The following SV2B variants were observed in gnomAD, a reference collection of about 807,000 sequenced individuals.
SV2B encodes the protein synaptic vesicle glycoprotein 2B.
A neutral mutation model predicts 73.9 loss-of-function variants in SV2B; 41 were observed. That is an observed-to-expected ratio of 0.56 (90% CI 0.43 to 0.72). The LOEUF (loss-of-function observed/expected upper bound fraction) is 0.72, where lower values mean the gene tolerates loss of function less well. Ranked by LOEUF, SV2B falls within the 30% of genes least tolerant of loss-of-function variation. SV2B has a pLI of 0.00. For synonymous variants in SV2B, 314 were observed against 314.2 expected (o/e 1.00, Z 0.01); for missense variants, 764 against 857.8 (o/e 0.89, Z 1.37).
intron 1 of SV2B, among the ~76,000 whole-genome samples, chr15:91,218,917 T>C (rs952629485): frequency 2.0e-5 from 3 of 151,938 alleles, no homozygotes; most frequent in Non-Finnish European, 4.4e-5. Context: ...CACAGCAGAG[T>C]TGCTATATTT....
chr15:91,184,141 G>T (rs2044686330), intron 1 of SV2B, among the ~76,000 whole-genome samples: 1 of 152,238 alleles, frequency 6.6e-6, no homozygotes, highest in East Asian at 1.9e-4. Flanking sequence ...TGTTGCCCCA[G>T]TACCTAGCAT....
chr15:91,258,299 T>A lies in SV2B; in HGVS notation c.785-122T>A. 5 of 1,409,782 alleles carry A rather than the reference T, an allele frequency of 3.5e-6. No homozygotes were observed. Among genetic ancestry groups the A allele is most frequent in the Non-Finnish European group, 4.7e-6 (5 of 1,054,366 alleles). 87.3% of individuals were successfully genotyped at this position (1,409,782 alleles called of 1,614,324 possible). A position where few individuals can be genotyped will look rare whatever the true frequency, so the allele number is the denominator to read the frequency against. On this transcript the variant is annotated intron_variant, in intron 4 of 12. Coordinates refer to ENST00000394232, the MANE Select transcript of SV2B (RefSeq NM_001323032.3). This position sits in a 1 kb window ranked among gnomAD's most constrained non-coding sequence, Gnocchi z 4.7. ...AGGCACAGCTGAGGAGTCTGCATTT[T>A]AACCACCTCCCCGGGTGACTCTCTT...
intron 1 of SV2B, among the ~76,000 whole-genome samples, chr15:91,119,283 G>A (rs1392273405): frequency 6.6e-6 from 1 of 152,188 alleles, no homozygotes; most frequent in Admixed American, 6.5e-5. Flanking sequence ...GATGAAGAAA[G>A]AAGTTAAGAT....
chr15:91,133,241 G>GA (rs1225364220), intron 1 of SV2B, among the ~76,000 whole-genome samples: 5 of 152,182 alleles, frequency 3.3e-5, no homozygotes, highest in African/African-American at 9.6e-5. Flanking sequence ...AATTAGACAT[G>GA]AAAAAACAGC....
intron 6 of SV2B, among the ~76,000 whole-genome samples, chr15:91,264,553 C>T (rs1465026655): frequency 6.6e-6 from 1 of 152,136 alleles, no homozygotes; most frequent in African/African-American, 2.4e-5. Context: ...ATTGGCTGAG[C>T]TTGTTTCATT....
chr15:91,281,875 T>C lies in SV2B; in HGVS notation c.1507+14T>C. On this transcript the variant is annotated intron_variant, in intron 10 of 12. Transcript: ENST00000394232. The surrounding 1 kb of genome is among the most constrained non-coding windows in gnomAD (Gnocchi z 4.7). The stretch of plus-strand genomic sequence containing the variant: ...TTTACAACACAGGTAGGTAAGAACA[T>C]TGACAGATTGAATAGAAAGTAACAG... 6.3e-7 allele frequency: 1 copy of C among 1,598,666 alleles called. No individual in the cohort carries two copies. Among genetic ancestry groups the C allele is most frequent in the African/African-American group, 1.3e-5 (1 of 74,540 alleles).
rs144134786 is a variant in SV2B at position 91,267,618 on chromosome 15, G to A, written c.1183G>A (p.Val395Met). The change falls in exon 8 of 13, where the codon GTG (valine) becomes ATG (methionine). Residue 395 changes from valine (V) to methionine (M), a missense_variant. Transcript: ENST00000394232. This position sits in a 1 kb window ranked among gnomAD's most constrained non-coding sequence, Gnocchi z 4.3. ...CAGAATGAATACACTGATTCTGGCC[G>A]TGGTTTGGTTTGCCATGGCATTCAG... is the stretch of plus-strand genomic sequence containing the variant. ...PYRMNTLILA[V>M]VWFAMAFSYY... 5.3e-5 allele frequency: 86 copies of A among 1,612,788 alleles called. No individual in the cohort carries two copies. Among genetic ancestry groups the A allele is most frequent in the African/African-American group, 2.1e-4 (16 of 74,886 alleles).
intron 1 of SV2B, among the ~76,000 whole-genome samples, chr15:91,201,573 A>G (rs1190933366): frequency 6.6e-6 from 1 of 152,134 alleles, no homozygotes; most frequent in Non-Finnish European, 1.5e-5. Flanking sequence ...GCTAACTTCC[A>G]TGACTCCCTA....
At chr15:91,248,468 A>T (rs2047344431) in intron 2 of SV2B, among the ~76,000 whole-genome samples, 1 of 152,242 alleles carries the variant, frequency 6.6e-6, no homozygotes, top group African/African-American at 2.4e-5. Context: ...TAAAAAATTA[A>T]TTTAAAATTA....
intron 1 of SV2B, among the ~76,000 whole-genome samples, chr15:91,158,963 G>C (rs2043613675): frequency 6.6e-6 from 1 of 151,842 alleles, no homozygotes; most frequent in Non-Finnish European, 1.5e-5. Flanking sequence ...AGGCAGTCCT[G>C]GTTGTGCTAA....
intron 1 of SV2B, among the ~76,000 whole-genome samples, chr15:91,126,987 A>G (rs1489547683): frequency 6.6e-6 from 1 of 152,256 alleles, no homozygotes; most frequent in African/African-American, 2.4e-5. Context: ...ATTATAGGAC[A>G]CATAGCATGG....
intron 2 of SV2B, among the ~76,000 whole-genome samples, chr15:91,250,316 C>G (rs1452228138): frequency 1.3e-5 from 2 of 151,652 alleles, no homozygotes; most frequent in Non-Finnish European, 2.9e-5. Context: ...ATTCAGCATC[C>G]TTTCGTGATA....
In SV2B at chr15:91,129,469, C is replaced by T. The variant is rs887874253; in HGVS notation, c.-392+29106C>T. Among the ~76,000 whole-genome samples the T allele has an allele frequency of 6.6e-6, 1 of 152,096 alleles. No individual in the cohort carries two copies. The highest frequency in any genetic ancestry group is 1.5e-5 in the Non-Finnish European group (1 of 68,028). ...AGTCAAGTGCAATGGTGGGGATCAG[C>T]AAAGATGTATGTCTTGGAAAAGCCC... On this transcript the variant is annotated intron_variant, in intron 1 of 12. Transcript: ENST00000394232. The surrounding 1 kb of genome is among the most constrained non-coding windows in gnomAD (Gnocchi z 5.1).
In SV2B at chr15:91,292,711, ATGTT is replaced by A; in HGVS notation, c.*163_*166del. The stretch of plus-strand genomic sequence containing the variant: ...TTTAGGACCCACTTCAGCTGTCAAT[ATGTT>A]TGTAACTCAGGTGACTGATTTGGGG... On this transcript the variant is annotated 3_prime_UTR_variant, in exon 13 of 13. Coordinates refer to ENST00000394232, the MANE Select transcript of SV2B (RefSeq NM_001323032.3). 1 of 870,572 alleles carries A rather than the reference ATGTT, an allele frequency of 1.1e-6. No individual in the cohort carries two copies. Among genetic ancestry groups the A allele is most frequent in the Non-Finnish European group, 1.7e-6 (1 of 598,566 alleles). 53.9% of individuals were successfully genotyped at this position (870,572 alleles called of 1,614,324 possible). A position where few individuals can be genotyped will look rare whatever the true frequency, so the allele number is the denominator to read the frequency against.
chr15:91,134,460 C>T (rs991494966), intron 1 of SV2B, among the ~76,000 whole-genome samples: 7 of 152,140 alleles, frequency 4.6e-5, no homozygotes, highest in African/African-American at 1.4e-4. Context: ...CACAAAGTAG[C>T]TGCAACTAGG....
chr15:91,276,652 T>C (rs1039987106), intron 9 of SV2B, among the ~76,000 whole-genome samples: 1 of 151,904 alleles, frequency 6.6e-6, no homozygotes, highest in Non-Finnish European at 1.5e-5. Flanking sequence ...AATTCTAGCG[T>C]TTCTTTCTGA....
chr15:91,218,409 G>A (rs2046106338), intron 1 of SV2B, among the ~76,000 whole-genome samples: 1 of 152,128 alleles, frequency 6.6e-6, no homozygotes, highest in Admixed American at 6.6e-5. Flanking sequence ...CTTCAGGGGA[G>A]AAGGGGAAGG....
rs1019789898 is a variant in SV2B at position 91,265,627 on chromosome 15, T to C, written c.1009-955T>C. Among the ~76,000 whole-genome samples, 2 of 152,206 alleles carry C rather than the reference T, an allele frequency of 1.3e-5. No individual in the cohort carries two copies. Among genetic ancestry groups the C allele is most frequent in the African/African-American group, 2.4e-5 (1 of 41,456 alleles). On this transcript the variant is annotated intron_variant, in intron 6 of 12. Coordinates refer to ENST00000394232, the MANE Select transcript of SV2B (RefSeq NM_001323032.3). The surrounding 1 kb of genome is among the most constrained non-coding windows in gnomAD (Gnocchi z 4.2). The stretch of plus-strand genomic sequence containing the variant: ...TCATAACATCCATGAAGGTACTGAA[T>C]AGCTTGAAGCCCAGCTGCAGCCAAG...
chr15:91,121,223 C>G lies in SV2B; in HGVS notation c.-392+20860C>G, dbSNP rs2042325583. On this transcript the variant is annotated intron_variant, in intron 1 of 12. Transcript: ENST00000394232. The surrounding 1 kb of genome is among the most constrained non-coding windows in gnomAD (Gnocchi z 4.4). ...ACCGCTGATTTCGAGTCAAAGTTTT[C>G]TTCACCTCAGGCGAGTTTTTATCTA... 6.6e-6 allele frequency among the ~76,000 whole-genome samples: 1 copy of G among 152,064 alleles called. No individual in the cohort carries two copies. Among genetic ancestry groups the G allele is most frequent in the Admixed American group, 6.5e-5 (1 of 15,272 alleles).
Sources: gnomAD v4.1 joint callset for allele counts (sites outside exome capture counted in the v4.1 genomes callset) on GRCh38, gnomAD v4.1.1 for gene constraint, Gnocchi (gnomAD v3.1) non-coding constraint, MANE v1.5 for transcripts, NCBI Gene and HGNC (gene_info 2026-07-23, HGNC 2026-07-21) for gene names.